The following ZZEF1 variants were observed in gnomAD, a reference collection of about 807,000 sequenced individuals.
ZZEF1 encodes zinc finger ZZ-type and EF-hand domain containing 1.
A neutral mutation model predicts 342.8 loss-of-function variants in ZZEF1; 157 were observed. The ratio of observed to expected loss-of-function variants is 0.46; its 90% CI spans 0.40 to 0.52. The LOEUF (loss-of-function observed/expected upper bound fraction) is 0.52. Ranked by LOEUF, ZZEF1 falls within the 20% of genes least tolerant of loss-of-function variation. The pLI, the probability that ZZEF1 is intolerant of heterozygous loss-of-function variation, is 0.00. For synonymous variants in ZZEF1, 1,505 were observed against 1,429.1 expected, an observed-to-expected ratio of 1.05 and a Z score of -1.20; for missense variants, 3,480 against 3,725.6, an observed-to-expected ratio of 0.93 and a Z score of 1.72.
intron 38 of ZZEF1, 36 bp from the exon 39 acceptor site, chr17:4,042,604 A>C (rs2056826071): frequency 1.2e-6 from 2 of 1,604,626 alleles, no homozygotes; most frequent in South Asian, 1.1e-5. Context: ...ATTTGCCTGC[A>C]TCTCCACATG....
At chr17:4,124,206 A>G (rs1411866336) in intron 1 of ZZEF1, among the ~76,000 whole-genome samples, 155 bp from the exon 2 acceptor site, 1 of 152,208 alleles carries the variant, frequency 6.6e-6, no homozygotes, top group African/African-American at 2.4e-5. Context: ...TAAATTTAGA[A>G]CAGGAACTCA....
At chr17:4,112,103 T>C (rs1273074713) in intron 5 of ZZEF1, among the ~76,000 whole-genome samples, 1 of 124,936 alleles carries the variant, frequency 8.0e-6, no homozygotes, top group African/African-American at 2.9e-5. Context: ...TGTTTTGTTT[T>C]GTTTTTAATG....
At chr17:4,057,263 C>T (rs1202363880) in intron 32 of ZZEF1, among the ~76,000 whole-genome samples, 2 of 152,206 alleles carry the variant, frequency 1.3e-5, no homozygotes, top group African/African-American at 4.8e-5. Context: ...GCCAACGGAG[C>T]TCCAACAGCG....
In ZZEF1 at chr17:4,006,589, G is replaced by A. The variant is rs1042273898; in HGVS notation, c.*301C>T. 10 of 410,494 alleles carry A rather than the reference G, an allele frequency of 2.4e-5. No homozygotes were observed. Among genetic ancestry groups the A allele is most frequent in the African/African-American group, 6.3e-5 (3 of 47,806 alleles). The allele number at this position is 410,494 out of a possible 1,614,324, so 25.4% of individuals were successfully genotyped here. On this transcript the variant is annotated 3_prime_UTR_variant, in exon 55 of 55. Transcript: ENST00000381638. ...CGCTTCCAAGTCTTCCCAGGCCCAC[G>A]GCTCCTGCAGTGACAGCCTCTGGAG...
intron 37 of ZZEF1, among the ~76,000 whole-genome samples, chr17:4,045,135 C>A (rs1011956716): frequency 6.6e-6 from 1 of 151,764 alleles, no homozygotes; most frequent in Non-Finnish European, 1.5e-5. Context: ...GCCTGGGCGA[C>A]AGAGCAAGAC....
chr17:4,032,399 C>A, intron 41 of ZZEF1, 141 bp from the exon 42 acceptor site: 2 of 951,446 alleles, frequency 2.1e-6, no homozygotes, highest in Non-Finnish European at 3.1e-6. Context: ...ATCTCTAAGT[C>A]CAAAGAGTCT....
chr17:4,062,876 C>G lies in ZZEF1; in HGVS notation c.4760G>C (p.Ser1587Thr). The G allele has an allele frequency of 6.2e-7, 1 of 1,613,048 alleles. No individual in the cohort carries two copies. The highest frequency in any genetic ancestry group is 8.5e-7 in the Non-Finnish European group (1 of 1,179,684). ...VLSLRKAQAQSILEVLKITQH... is the reference protein window; with the variant it reads ...VLSLRKAQAQTILEVLKITQH... ...AGTTATCTTCAGGACTTCCAGGATGCTCTGGGCCTGGGCTTTCCTCAGGGA... is the reference window on the plus strand; with the variant it reads ...AGTTATCTTCAGGACTTCCAGGATGGTCTGGGCCTGGGCTTTCCTCAGGGA... The change falls in exon 30 of 55, where the codon AGC (serine) becomes ACC (threonine). Residue 1587 changes from serine (S) to threonine (T), a missense_variant. Around this residue, in one of 5 missense-constraint regions of ZZEF1, gnomAD observed 1,528 missense variants for 1,624.1 expected, o/e 0.94. Coordinates refer to ENST00000381638, the MANE Select transcript of ZZEF1 (RefSeq NM_015113.4).
At chr17:4,061,258 G>C (rs1040443492) in intron 30 of ZZEF1, among the ~76,000 whole-genome samples, 1 of 152,060 alleles carries the variant, frequency 6.6e-6, no homozygotes, top group African/African-American at 2.4e-5. Context: ...CTTATCTTTT[G>C]AGATCCATTC....
At chr17:4,075,229 A>G (rs1229737629) in intron 22 of ZZEF1, 34 bp downstream of exon 22, 1 of 1,613,696 alleles carries the variant, frequency 6.2e-7, no homozygotes, top group African/African-American at 1.3e-5. Context: ...CTGACCTATT[A>G]GCGCTTGGGG....
chr17:4,071,854 T>C (rs1430000910), intron 25 of ZZEF1, among the ~76,000 whole-genome samples: 1 of 151,606 alleles, frequency 6.6e-6, no homozygotes, highest in Non-Finnish European at 1.5e-5. Context: ...TATTAGGAAT[T>C]AGGGCCACAA....
intron 1 of ZZEF1, among the ~76,000 whole-genome samples, chr17:4,138,517 A>T (rs2058791138): frequency 6.6e-6 from 1 of 152,194 alleles, no homozygotes; most frequent in South Asian, 2.1e-4. Context: ...TGTGGACTAC[A>T]ACTTCTACAG....
chr17:4,035,890 A>G (rs553706601), intron 39 of ZZEF1, among the ~76,000 whole-genome samples: 2 of 152,292 alleles, frequency 1.3e-5, no homozygotes, highest in African/African-American at 2.4e-5. Flanking sequence ...ACCTGAGGTC[A>G]GGAGTTCAAG....
intron 37 of ZZEF1, among the ~76,000 whole-genome samples, chr17:4,049,391 G>A (rs1028005753): frequency 6.6e-6 from 1 of 152,002 alleles, no homozygotes; most frequent in African/African-American, 2.4e-5. Flanking sequence ...ACATGCCTGC[G>A]GCCCCAGGTA....
chr17:4,115,123 G>A (rs1365415130), intron 3 of ZZEF1, among the ~76,000 whole-genome samples: 1 of 152,078 alleles, frequency 6.6e-6, no homozygotes, highest in East Asian at 1.9e-4. Flanking sequence ...CTAGGCTCAA[G>A]TGATCCTCCT....
At chr17:4,023,403 A>G (rs1023244030) in intron 43 of ZZEF1, among the ~76,000 whole-genome samples, 1 of 152,164 alleles carries the variant, frequency 6.6e-6, no homozygotes, top group Non-Finnish European at 1.5e-5. Flanking sequence ...TGCTCAACAA[A>G]TATTTGCTGA....
chr17:4,062,114 C>A (rs868428916), intron 30 of ZZEF1, among the ~76,000 whole-genome samples: 3 of 152,072 alleles, frequency 2.0e-5, no homozygotes, highest in African/African-American at 7.2e-5. Flanking sequence ...CTAACTCCCC[C>A]CCTGGAGCCT....
At chr17:4,110,114 T>G (rs917543732) in intron 5 of ZZEF1, among the ~76,000 whole-genome samples, 3 of 152,156 alleles carry the variant, frequency 2.0e-5, no homozygotes, top group Non-Finnish European at 4.4e-5. Flanking sequence ...ACAACAAAAC[T>G]TCTTAGGAAC....
chr17:4,108,311 A>G (rs2058244205), intron 6 of ZZEF1, among the ~76,000 whole-genome samples: 1 of 152,218 alleles, frequency 6.6e-6, no homozygotes. Context: ...GAGACAGATA[A>G]CAAAACCTCA....
At chr17:4,067,063 T>C (rs1270234472) in intron 27 of ZZEF1, 100 bp downstream of exon 27, 1 of 999,436 alleles carries the variant, frequency 1.0e-6, no homozygotes, top group African/African-American at 1.7e-5. Context: ...ACAAAAATCC[T>C]AAAGCTATAT....
Sources: gnomAD v4.1 joint callset for allele counts (sites outside exome capture counted in the v4.1 genomes callset) on GRCh38, gnomAD v4.1.1 for gene constraint, gnomAD v4.1.1 regional missense constraint, MANE v1.5 for transcripts, NCBI Gene and HGNC (gene_info 2026-07-23, HGNC 2026-07-21) for gene names.